ARHGEF7: variants seen among roughly 807,000 people sequenced by gnomAD.
The protein encoded by ARHGEF7 is Rho guanine nucleotide exchange factor 7, also known as PAK-interacting exchange factor beta.
In ARHGEF7, 33 loss-of-function variants were observed where a neutral mutation model predicts 109.8. The observed-to-expected ratio is 0.30, with a 90% CI of 0.23 to 0.40. The LOEUF is 0.40. ARHGEF7 is among the 10% of genes least tolerant of loss of function. The probability of loss-of-function intolerance (pLI) is 1.00; values close to 1 mark genes in which losing one functional copy is unlikely to be tolerated. For synonymous variants in ARHGEF7, 458 were observed against 424.6 expected, an observed-to-expected ratio of 1.08 and a Z score of -0.97; for missense variants, 938 against 1,098.5, an observed-to-expected ratio of 0.85 and a Z score of 2.07.
At chr13:111,197,794 G>A (rs1260620805) in intron 2 of ARHGEF7, among the ~76,000 whole-genome samples, 1 of 152,118 alleles carries the variant, frequency 6.6e-6, no homozygotes, top group Non-Finnish European at 1.5e-5. Context: ...GGGCCCGGGT[G>A]CCTAAAGAAG....
Position 111,283,036 on chromosome 13 carries a change from A to G in ARHGEF7, c.1726-103A>G, listed in dbSNP as rs112944385. On this transcript the variant is annotated intron_variant, in intron 15 of 21. Coordinates refer to ENST00000646102, the MANE Select transcript of ARHGEF7 (RefSeq NM_001354046.2). ...TGATAAATCCTGAGGTTTATTTCAC[A>G]TGGAGTGTTTAAAGAGCAGAAGGAA... The G allele has an allele frequency of 4.6e-5, 62 of 1,345,200 alleles. No individual in the cohort carries two copies. The African/African-American group carries it at 5.1e-4, about 11-fold the overall frequency. The allele number at this position is 1,345,200 out of a possible 1,614,324, so 83.3% of individuals were successfully genotyped here.
At chr13:111,201,542 T>G (rs1226036542) in intron 2 of ARHGEF7, among the ~76,000 whole-genome samples, 1 of 152,224 alleles carries the variant, frequency 6.6e-6, no homozygotes, top group Non-Finnish European at 1.5e-5. Flanking sequence ...TTGTGGTTAT[T>G]TTGCATTTTT....
At chr13:111,191,217 A>G (rs2079851337) in intron 2 of ARHGEF7, among the ~76,000 whole-genome samples, 1 of 152,126 alleles carries the variant, frequency 6.6e-6, no homozygotes, top group Non-Finnish European at 1.5e-5. Flanking sequence ...GTGACTTGGA[A>G]GTTACTATGA....
chr13:111,275,847 T>C, intron 12 of ARHGEF7, 169 bp downstream of exon 12: 1 of 778,374 alleles, frequency 1.3e-6, no homozygotes, highest in Non-Finnish European at 2.1e-6. Flanking sequence ...TATGGCATGT[T>C]AGAGAGGCTT....
rs759964144 is a variant in ARHGEF7 at position 111,217,863 on chromosome 13, G to A, written c.653G>A (p.Arg218His). 8 of 1,612,784 alleles carry A rather than the reference G, an allele frequency of 5.0e-6. No homozygotes were observed. Among genetic ancestry groups the A allele is most frequent in the South Asian group, 1.1e-5 (1 of 91,038 alleles). Residue 218 changes from arginine to histidine, a missense_variant, in exon 5 of 22, where the codon CGC becomes CAC. Around this residue, in one of 4 missense-constraint regions of ARHGEF7, gnomAD observed 585 missense variants for 723.6 expected, o/e 0.81. Coordinates refer to ENST00000646102, the MANE Select transcript of ARHGEF7 (RefSeq NM_001354046.2). ...GGCTGGTTCCCCAGCAACTACGTGC[G>A]CGAGGTCAAGGCCAGCGGTAAGTGG... The part of the protein sequence containing the change: ...RTGWFPSNYV[R>H]EVKASEKPVS...
intron 2 of ARHGEF7, among the ~76,000 whole-genome samples, chr13:111,180,500 G>C (rs1474398591): frequency 2.0e-5 from 3 of 152,238 alleles, no homozygotes; most frequent in Non-Finnish European, 4.4e-5. Flanking sequence ...CATGACAACA[G>C]CTTAGTAGTA....
intron 2 of ARHGEF7, among the ~76,000 whole-genome samples, chr13:111,157,193 G>A (rs1400817782): frequency 6.6e-6 from 1 of 152,040 alleles, no homozygotes; most frequent in Non-Finnish European, 1.5e-5. Flanking sequence ...GGAAAACTTT[G>A]AAATTTGGAA....
intron 2 of ARHGEF7, among the ~76,000 whole-genome samples, chr13:111,203,708 GTTC>G (rs1296930943): frequency 1.3e-5 from 2 of 152,112 alleles, no homozygotes; most frequent in Non-Finnish European, 2.9e-5. Flanking sequence ...TCAAAGTCTG[GTTC>G]TTCTTTATTT....
At chr13:111,190,035 C>T (rs540921838) in intron 2 of ARHGEF7, among the ~76,000 whole-genome samples, 5 of 152,174 alleles carry the variant, frequency 3.3e-5, no homozygotes, top group African/African-American at 1.2e-4. Flanking sequence ...AAGAAGGGGC[C>T]CTGAAGTTGT....
chr13:111,162,857 G>A (rs1034006821), intron 2 of ARHGEF7, among the ~76,000 whole-genome samples: 6 of 152,180 alleles, frequency 3.9e-5, no homozygotes, highest in Non-Finnish European at 8.8e-5. Context: ...CTCAAAACTT[G>A]TTGATGCAGG....
intron 15 of ARHGEF7, chr13:111,282,929 G>A (rs1409222648): frequency 1.4e-6 from 1 of 706,674 alleles, no homozygotes; most frequent in Non-Finnish European, 2.3e-6. Context: ...ACGCCGTGAG[G>A]AGCCCCACGC....
intron 2 of ARHGEF7, among the ~76,000 whole-genome samples, chr13:111,175,573 G>A (rs1295755952): frequency 6.6e-6 from 1 of 152,204 alleles, no homozygotes; most frequent in African/African-American, 2.4e-5. Flanking sequence ...TTTGGGGGAA[G>A]GACTGGAGGC....
chr13:111,238,030 G>A (rs986368429), intron 6 of ARHGEF7, among the ~76,000 whole-genome samples: 1 of 152,300 alleles, frequency 6.6e-6, no homozygotes, highest in South Asian at 2.1e-4. Context: ...GGAGAGTGAC[G>A]GGGAAGGGAG....
At chr13:111,293,290 G>A in intron 19 of ARHGEF7, 1 of 985,364 alleles carries the variant, frequency 1.0e-6, no homozygotes, top group Admixed American at 6.1e-5. Context: ...GTCTGGAAGA[G>A]CCATGGACAC....
At chr13:111,218,149 T>C (rs1237885906) in intron 5 of ARHGEF7, among the ~76,000 whole-genome samples, 4 of 152,182 alleles carry the variant, frequency 2.6e-5, no homozygotes, top group Non-Finnish European at 5.9e-5. Context: ...CATTGCAGTT[T>C]TACTGTGAAA....
intron 16 of ARHGEF7, among the ~76,000 whole-genome samples, chr13:111,285,601 G>C (rs1466934563): frequency 6.6e-6 from 1 of 152,198 alleles, no homozygotes; most frequent in Non-Finnish European, 1.5e-5. Context: ...AGCCCTGGCC[G>C]AGCTTGGCTG....
At position 111,280,964 on chromosome 13, in the gene ARHGEF7, T is replaced by G. The variant is rs115233266; in HGVS notation, c.1725+287T>G. On this transcript the variant is annotated intron_variant, in intron 15 of 21. Transcript: ENST00000646102. ...CTCCGTGTGGCCCTAGAAGACTGAT[T>G]TAGGGGAGTTTTACACTCAACTATA... 1,993 of 271,200 alleles carry G rather than the reference T, an allele frequency of 7.3e-3. 40 individuals are homozygous for G. The highest frequency in any genetic ancestry group is 0.04 in the African/African-American group (1,825 of 45,790). 16.8% of individuals were successfully genotyped at this position (271,200 alleles called of 1,614,324 possible). A position where few individuals can be genotyped will look rare whatever the true frequency, so the allele number is the denominator to read the frequency against.
chr13:111,238,801 A>C (rs920502049), intron 6 of ARHGEF7, among the ~76,000 whole-genome samples: 3 of 152,094 alleles, frequency 2.0e-5, no homozygotes, highest in Non-Finnish European at 4.4e-5. Context: ...GACTGGGAAG[A>C]CACAGTCCTT....
chr13:111,134,876 T>C (rs1431503692), intron 1 of ARHGEF7, among the ~76,000 whole-genome samples: 3 of 152,238 alleles, frequency 2.0e-5, no homozygotes, highest in African/African-American at 4.8e-5. Flanking sequence ...CCCATGCCTA[T>C]GTCCTGAATG....
Sources: gnomAD v4.1 joint callset for allele counts (sites outside exome capture counted in the v4.1 genomes callset) on GRCh38, gnomAD v4.1.1 for gene constraint, gnomAD v4.1.1 regional missense constraint, MANE v1.5 for transcripts, NCBI Gene and HGNC (gene_info 2026-07-23, HGNC 2026-07-21) for gene names.